HMGN5: variants seen among roughly 807,000 people sequenced by gnomAD.
HMGN5 encodes high mobility group nucleosome-binding domain-containing protein 5.
Under a neutral mutation model 9.5 loss-of-function variants are expected in HMGN5, and 4 were observed. That is an observed-to-expected ratio of 0.42 (90% CI 0.21 to 0.96). The LOEUF (loss-of-function observed/expected upper bound fraction) is 0.96. HMGN5 is among the 40% of genes least tolerant of loss of function. The pLI, the probability that HMGN5 is intolerant of heterozygous loss-of-function variation, is 0.30. For missense variants in HMGN5, 192 were observed against 187.5 expected, an observed-to-expected ratio of 1.02 and a Z score of -0.14; for synonymous variants, 55 against 57.1, an observed-to-expected ratio of 0.96 and a Z score of 0.16.
At chrX:81,172,376 G>C (rs2075428504) in intron 1 of HMGN5, among the ~76,000 whole-genome samples, 1 of 110,541 alleles carries the variant, frequency 9.0e-6, no homozygotes, top group Admixed American at 9.7e-5. Context: ...GTAATAACTG[G>C]GTGGTTATGT....
intron 1 of HMGN5, among the ~76,000 whole-genome samples, chrX:81,182,434 C>T (rs754575192): frequency 8.9e-6 from 1 of 111,990 alleles, no homozygotes; most frequent in Non-Finnish European, 1.9e-5. Context: ...GGAAGTGGGG[C>T]CTGGTGGCAG....
chrX:81,151,303 C>T (rs1438052975), intron 1 of HMGN5, among the ~76,000 whole-genome samples: 1 of 111,577 alleles, frequency 9.0e-6, no homozygotes, highest in Non-Finnish European at 1.9e-5. Flanking sequence ...TTCCATTGAT[C>T]TATATCTCTG....
In HMGN5 at chrX:81,177,087, G is replaced by A. The variant is rs183102399; in HGVS notation, c.-124+24650C>T. 6.3e-3 allele frequency among the ~76,000 whole-genome samples: 696 copies of A among 109,683 alleles called. 2 individuals are homozygous for A. Among genetic ancestry groups the A allele is most frequent in the Non-Finnish European group, 0.011 (577 of 52,682 alleles). On this transcript the variant is annotated intron_variant, in intron 1 of 6. Coordinates refer to ENST00000358130, the MANE Select transcript of HMGN5 (RefSeq NM_030763.3). ...AAGGGAAGCCCATCAGACTAACAGC[G>A]GATCTCTCAGAAGAAACCCTACAAG...
At chrX:81,140,258 G>A (rs1320776280) in intron 1 of HMGN5, among the ~76,000 whole-genome samples, 1 of 111,321 alleles carries the variant, frequency 9.0e-6, no homozygotes, top group East Asian at 2.8e-4. Flanking sequence ...GGAACCTGCT[G>A]CCTTAAAAGG....
intron 1 of HMGN5, among the ~76,000 whole-genome samples, chrX:81,191,273 C>A (rs1318147729): frequency 9.0e-6 from 1 of 110,535 alleles, no homozygotes; most frequent in Non-Finnish European, 1.9e-5. Flanking sequence ...TTTTATTTTT[C>A]TTCTTTTATA....
intron 1 of HMGN5, among the ~76,000 whole-genome samples, chrX:81,199,529 A>T (rs1451834638): frequency 8.9e-6 from 1 of 112,033 alleles, no homozygotes; most frequent in African/African-American, 3.3e-5. Context: ...ACCAAAACAG[A>T]TATATAGACC....
chrX:81,159,068 A>G (rs1056949875), intron 1 of HMGN5, among the ~76,000 whole-genome samples: 2 of 111,711 alleles, frequency 1.8e-5, no homozygotes, highest in Non-Finnish European at 3.8e-5. Context: ...AAGGAATGAG[A>G]CCATGTTCTT....
At chrX:81,117,857 A>G (rs1203377095) in intron 5 of HMGN5, among the ~76,000 whole-genome samples, 1 of 110,833 alleles carries the variant, frequency 9.0e-6, no homozygotes, top group Non-Finnish European at 1.9e-5. Context: ...CAGGAATTCA[A>G]TCAATATTCT....
intron 1 of HMGN5, among the ~76,000 whole-genome samples, chrX:81,179,509 C>A (rs200705135): frequency 9.0e-6 from 1 of 111,134 alleles, no homozygotes; most frequent in Non-Finnish European, 1.9e-5. Flanking sequence ...TGTGAAGGAC[C>A]TCTTCAAGGA....
intron 1 of HMGN5, among the ~76,000 whole-genome samples, chrX:81,150,224 A>G (rs1371774160): frequency 8.9e-6 from 1 of 111,899 alleles, no homozygotes; most frequent in East Asian, 2.8e-4. Context: ...TCTGAACACA[A>G]TGGAATAAAA....
intron 1 of HMGN5, among the ~76,000 whole-genome samples, chrX:81,129,599 A>G (rs2075293387): frequency 1.8e-5 from 2 of 111,411 alleles, no homozygotes; most frequent in African/African-American, 6.5e-5. Flanking sequence ...GAGTTTCTCT[A>G]TTCCACAGGT....
intron 1 of HMGN5, among the ~76,000 whole-genome samples, chrX:81,149,692 G>A (rs764141629): frequency 1.6e-4 from 18 of 111,883 alleles, no homozygotes; most frequent in South Asian, 1.1e-3. Flanking sequence ...CACACATAGC[G>A]TGAACATAAA....
At chrX:81,146,491 T>C (rs1023971610) in intron 1 of HMGN5, among the ~76,000 whole-genome samples, 1 of 111,757 alleles carries the variant, frequency 8.9e-6, no homozygotes, top group Non-Finnish European at 1.9e-5. Flanking sequence ...GGGACACATT[T>C]AAAGCAGTGT....
At chrX:81,129,711 T>A (rs1482263662) in intron 1 of HMGN5, among the ~76,000 whole-genome samples, 1 of 111,171 alleles carries the variant, frequency 9.0e-6, no homozygotes, top group African/African-American at 3.3e-5. Context: ...GTTTCAGGAG[T>A]GAGTGGGGGA....
chrX:81,144,184 AC>A (rs2075336964), intron 1 of HMGN5, among the ~76,000 whole-genome samples: 1 of 110,984 alleles, frequency 9.0e-6, no homozygotes, highest in African/African-American at 3.3e-5. Flanking sequence ...TGGGTCCCTA[AC>A]CCCCGTGTAT....
At chrX:81,168,193 A>G (rs970728389) in intron 1 of HMGN5, among the ~76,000 whole-genome samples, 9 of 111,872 alleles carry the variant, frequency 8.0e-5, no homozygotes, top group African/African-American at 2.9e-4. Flanking sequence ...GGTGACCTCT[A>G]TATATGGACT....
intron 1 of HMGN5, among the ~76,000 whole-genome samples, chrX:81,186,026 G>A (rs2147647684): frequency 9.0e-6 from 1 of 111,583 alleles, no homozygotes. Context: ...GAAGTATTTT[G>A]TTGAGTATTT....
At chrX:81,187,196 A>C (rs1176294539) in intron 1 of HMGN5, among the ~76,000 whole-genome samples, 1 of 111,285 alleles carries the variant, frequency 9.0e-6, no homozygotes. Context: ...ATGTTCTGTA[A>C]ATTTCTGTTA....
At chrX:81,138,532 A>T (rs760798279) in intron 1 of HMGN5, among the ~76,000 whole-genome samples, 1 of 111,731 alleles carries the variant, frequency 9.0e-6, no homozygotes, top group Non-Finnish European at 1.9e-5. Context: ...CCTATTGTTA[A>T]CATCATATTA....
Sources: allele counts gnomAD v4.1 joint callset (sites outside exome capture counted in the v4.1 genomes callset), GRCh38; gene constraint gnomAD v4.1.1; transcripts MANE v1.5; gene names NCBI Gene and HGNC (gene_info 2026-07-23, HGNC 2026-07-21).